KPNA7: variants seen among roughly 807,000 people sequenced by gnomAD.
KPNA7 encodes karyopherin subunit alpha 7.
KPNA7 carries 54 observed loss-of-function variants against 53.7 expected under a neutral mutation model. The ratio of observed to expected loss-of-function variants is 1.01; its 90% CI spans 0.81 to 1.26. The LOEUF (loss-of-function observed/expected upper bound fraction) is 1.26, where lower values mean the gene tolerates loss of function less well. Among genes scored for constraint, KPNA7 ranks in the 50% most tolerant of loss-of-function variants. The probability of loss-of-function intolerance (pLI) is 0.00; values close to 1 mark genes in which losing one functional copy is unlikely to be tolerated. For synonymous variants in KPNA7, 276 were observed against 259.3 expected (o/e 1.06, Z -0.62); for missense variants, 640 against 644.5 (o/e 0.99, Z 0.07).
chr7:99,172,835 T>G (rs1798794024), downstream of KPNA7, among the ~76,000 whole-genome samples: 1 of 151,960 alleles, frequency 6.6e-6, no homozygotes, highest in African/African-American at 2.4e-5. Context: ...GGCTGAGACA[T>G]GTGGATCACC....
chr7:99,177,403 G>C (rs1798945140), intron 10 of KPNA7, among the ~76,000 whole-genome samples: 1 of 151,854 alleles, frequency 6.6e-6, no homozygotes. Context: ...GCTAACACAG[G>C]GAAACCCTGT....
At chr7:99,183,198 G>A (rs1390985106) in intron 8 of KPNA7, among the ~76,000 whole-genome samples, 1 of 152,130 alleles carries the variant, frequency 6.6e-6, no homozygotes, top group African/African-American at 2.4e-5. Flanking sequence ...GTTGCAGTGA[G>A]CCAAAATTGT....
intron 9 of KPNA7, among the ~76,000 whole-genome samples, chr7:99,179,287 T>G (rs1221002165): frequency 6.6e-6 from 1 of 151,806 alleles, no homozygotes; most frequent in Non-Finnish European, 1.5e-5. Context: ...CTGGACACAG[T>G]GGCCCATTCC....
At chr7:99,151,451 G>T in the KPNA7 span, among the ~76,000 whole-genome samples, 6 of 112,878 alleles carry the variant, frequency 5.3e-5, no homozygotes, top group Admixed American at 5.9e-4. Flanking sequence ...TTGTTTGTTT[G>T]TTTTTGGTTT....
intron 7 of KPNA7, among the ~76,000 whole-genome samples, chr7:99,186,637 G>A (rs938319795): frequency 3.3e-5 from 5 of 152,024 alleles, no homozygotes; most frequent in Non-Finnish European, 7.4e-5. Flanking sequence ...CAGCTACTTG[G>A]GAGGCTGAGG....
At chr7:99,162,505 G>T in the KPNA7 span, among the ~76,000 whole-genome samples, 8 of 152,124 alleles carry the variant, frequency 5.3e-5, no homozygotes, top group African/African-American at 1.9e-4. Context: ...GTCTAAGCAG[G>T]TGGGCACCCA....
At chr7:99,185,349 A>T (rs987508577) in intron 7 of KPNA7, among the ~76,000 whole-genome samples, 187 bp from the exon 8 acceptor site, 9 of 151,850 alleles carry the variant, frequency 5.9e-5, no homozygotes, top group African/African-American at 1.2e-4. Context: ...TTTATTTTTT[A>T]TTTATTTATT....
chr7:99,207,535 G>A, intron 1 of KPNA7, 46 bp from the exon 2 acceptor site: 1 of 923,386 alleles, frequency 1.1e-6, no homozygotes, highest in South Asian at 1.4e-5. Context: ...CCCATTGTGT[G>A]GGTTATTATG....
At position 99,203,243 on chromosome 7, in the gene KPNA7, A is replaced by G. The variant is rs1401071492; in HGVS notation, c.67-3T>C. On this transcript the variant is annotated splice_region_variant and splice_polypyrimidine_tract_variant and intron_variant, in intron 2 of 10. Coordinates refer to ENST00000327442, the MANE Select transcript of KPNA7 (RefSeq NM_001145715.3). The stretch of plus-strand genomic sequence containing the variant: ...GCCATCCTCTGCTGTCGCCTCAGCT[A>G]GTGAGGAAAAGAAATTGGAGCATTT... The G allele has an allele frequency of 8.4e-6, 13 of 1,549,454 alleles. No homozygotes were observed. In the African/African-American group the frequency reaches 1.4e-4, roughly 16 times the overall value.
upstream of KPNA7, among the ~76,000 whole-genome samples, chr7:99,209,682 CAAAAAAAAAAAAAAAA>C (rs60377276): frequency 1.1e-4 from 8 of 73,530 alleles, no homozygotes; most frequent in East Asian, 5.6e-4. Flanking sequence ...GACTCCAACT[CAAAAAAAAAAAAAAAA>C]AAAAAAAAAA....
intron 6 of KPNA7, among the ~76,000 whole-genome samples, chr7:99,188,769 C>G (rs1159890038): frequency 6.6e-6 from 1 of 152,182 alleles, no homozygotes; most frequent in East Asian, 1.9e-4. Context: ...CCTCTGCCTC[C>G]TGGATTCAAG....
intron 8 of KPNA7, among the ~76,000 whole-genome samples, chr7:99,182,554 C>T (rs972701874): frequency 6.6e-6 from 1 of 152,098 alleles, no homozygotes; most frequent in African/African-American, 2.4e-5. Context: ...AGGCTGGTCT[C>T]AAACTCCTGA....
At chr7:99,216,059 C>T (rs1015411670) in intron 1 of KPNA7, among the ~76,000 whole-genome samples, 1 of 151,920 alleles carries the variant, frequency 6.6e-6, no homozygotes, top group African/African-American at 2.4e-5. Context: ...ATAGGTCTTA[C>T]TCCCACCATC....
intron 2 of KPNA7, among the ~76,000 whole-genome samples, chr7:99,205,266 CA>C (rs542323496): frequency 2.0e-4 from 28 of 140,230 alleles, no homozygotes; most frequent in East Asian, 4.2e-4. Context: ...TACCAAAATG[CA>C]AAAAAAAAAA....
At chr7:99,204,474 C>A (rs1197426773) in intron 2 of KPNA7, among the ~76,000 whole-genome samples, 2 of 152,162 alleles carry the variant, frequency 1.3e-5, no homozygotes, top group Non-Finnish European at 2.9e-5. Context: ...AATGACCTAA[C>A]CTTTCTAAAT....
intron 9 of KPNA7, 59 bp from the exon 10 acceptor site, chr7:99,178,125 C>T: frequency 6.7e-7 from 1 of 1,487,510 alleles, no homozygotes; most frequent in Non-Finnish European, 9.1e-7. Flanking sequence ...GGGATAGGGA[C>T]TCTGTCAGCC....
intron 3 of KPNA7, among the ~76,000 whole-genome samples, chr7:99,198,789 A>G (rs568011051): frequency 5.3e-5 from 8 of 152,272 alleles, no homozygotes; most frequent in African/African-American, 1.9e-4. Flanking sequence ...TAATTAGGCA[A>G]CAAATAAAGT....
rs138503598 is a variant in KPNA7, at chr7:99,202,074, A to C, written c.201+1032T>G. ...TCTAGGGACTGCTCCAAACAAATGA[A>C]GCTAACTAGAGATATAGTTTGGACT... On this transcript the variant is annotated intron_variant, in intron 3 of 10. Transcript: ENST00000327442. 1.9e-3 allele frequency among the ~76,000 whole-genome samples: 290 copies of C among 152,226 alleles called. 2 individuals carry two copies. Among genetic ancestry groups the C allele is most frequent in the African/African-American group, 6.6e-3 (276 of 41,554 alleles).
intron 2 of KPNA7, 74 bp downstream of exon 2, chr7:99,207,327 C>G: frequency 7.7e-7 from 1 of 1,300,628 alleles, no homozygotes; most frequent in Non-Finnish European, 1.1e-6. Context: ...GCCACCGCGC[C>G]TGGTCTCTTC....
Sources: gnomAD v4.1 joint callset for allele counts (sites outside exome capture counted in the v4.1 genomes callset) on GRCh38, gnomAD v4.1.1 for gene constraint, MANE v1.5 for transcripts, NCBI Gene and HGNC (gene_info 2026-07-23, HGNC 2026-07-21) for gene names.